The following AFF4 variants were observed in gnomAD, a reference collection of about 807,000 sequenced individuals.
AFF4 encodes the protein ALF transcription elongation factor 4, also known as AF4/FMR2 family member 4.
In AFF4, 13 loss-of-function variants were observed where a neutral mutation model predicts 124.8. That is an observed-to-expected ratio of 0.10 (90% CI 0.07 to 0.17). AFF4 has a LOEUF of 0.17. Ranked by LOEUF, AFF4 falls within the 10% of genes least tolerant of loss-of-function variation. AFF4 has a pLI of 1.00. For synonymous variants in AFF4, 477 were observed against 496.1 expected, an observed-to-expected ratio of 0.96 and a Z score of 0.51; for missense variants, 1,092 against 1,403.8, an observed-to-expected ratio of 0.78 and a Z score of 3.55.
At chr5:132,887,617 A>G in intron 16 of AFF4, 25 bp from the exon 17 acceptor site, 1 of 1,588,402 alleles carries the variant, frequency 6.3e-7, no homozygotes, top group Non-Finnish European at 8.6e-7. Context: ...TAACAAACAA[A>G]TGACAAACAG....
At chr5:132,920,977 A>C (rs188899421) in intron 5 of AFF4, among the ~76,000 whole-genome samples, 6 of 152,072 alleles carry the variant, frequency 3.9e-5, no homozygotes, top group Admixed American at 3.9e-4. Context: ...AATACAAAAA[A>C]TTAGTCAGGC....
At chr5:132,895,862 C>T (rs924691842) in intron 11 of AFF4, among the ~76,000 whole-genome samples, 2 of 152,138 alleles carry the variant, frequency 1.3e-5, no homozygotes, top group Admixed American at 1.3e-4. Context: ...TAGTTCTGAC[C>T]TTTGTTAAGG....
At position 132,934,834 on chromosome 5, in the gene AFF4, A is replaced by T. The variant is rs1761388901; in HGVS notation, c.231T>A (p.Ile77=). ...GDRSIPKLVA[I]PKPTVPPSAD... ...CTGATGGTGGTACTGTAGGCTTGGG[A>T]ATTGCAACAAGCTTTGGTATAGATC... Residue 77 remains isoleucine (I), a synonymous_variant, in exon 3 of 21, where the codon ATT becomes ATA. Transcript: ENST00000265343. The T allele has an allele frequency of 6.2e-7, 1 of 1,613,990 alleles. No homozygotes were observed. Among genetic ancestry groups the T allele is most frequent in the African/African-American group, 1.3e-5 (1 of 74,878 alleles).
At chr5:132,932,103 G>A (rs1761313016) in intron 4 of AFF4, 75 bp downstream of exon 4, 3 of 1,035,776 alleles carry the variant, frequency 2.9e-6, no homozygotes, top group Non-Finnish European at 4.2e-6. Context: ...GTGAAATACA[G>A]GTAGAAAGAG....
At chr5:132,929,791 G>A (rs1284307208) in intron 4 of AFF4, among the ~76,000 whole-genome samples, 1 of 152,066 alleles carries the variant, frequency 6.6e-6, no homozygotes, top group Non-Finnish European at 1.5e-5. Flanking sequence ...AAAATTTTTA[G>A]GGAAAAATTA....
intron 5 of AFF4, among the ~76,000 whole-genome samples, chr5:132,908,757 CATATATATATAT>C (rs1206698351): frequency 7.3e-6 from 1 of 136,166 alleles, no homozygotes; most frequent in Non-Finnish European, 1.5e-5. Flanking sequence ...TATATATATA[CATATATATATAT>C]ATATATATTT....
At position 132,918,888 on chromosome 5, in the gene AFF4, G is replaced by GTT. The variant is rs34475797; in HGVS notation, c.1050+8231_1050+8232dup. Among the ~76,000 whole-genome samples, 86 of 138,706 alleles carry GTT rather than the reference G, an allele frequency of 6.2e-4. 1 individual carries two copies. The highest frequency in any genetic ancestry group is 2.5e-3 in the Admixed American group (34 of 13,840). The allele number at this position is 138,706 out of a possible 152,430, so 91.0% of individuals were successfully genotyped here. ...GAAATTGACAAGGTGTTGTTTGTTT[G>GTT]TTTTTTTTTTTTTTTGAGACAGAGT... On this transcript the variant is annotated intron_variant, in intron 5 of 20. Transcript: ENST00000265343.
Position 132,934,645 on chromosome 5 carries a change from G to A in AFF4, c.420C>T (p.Ser140=). ...GACCACTACTGTTAGTGCCACTACTGCTACCTGCGCTGGTCCGCTGGCTAC... is the reference window on the plus strand; with the variant it reads ...GACCACTACTGTTAGTGCCACTACTACTACCTGCGCTGGTCCGCTGGCTAC... ...GHSSQRTSAG[S]SSGTNSSGQR... Residue 140 remains serine (S), a synonymous_variant, in exon 3 of 21, where the codon AGC becomes AGT. Coordinates refer to ENST00000265343, the MANE Select transcript of AFF4 (RefSeq NM_014423.4). 1 of 1,614,086 alleles carries A rather than the reference G, an allele frequency of 6.2e-7. No homozygotes were observed. Among genetic ancestry groups the A allele is most frequent in the South Asian group, 1.1e-5 (1 of 91,080 alleles).
chr5:132,955,795 AATAT>A (rs966690877), intron 1 of AFF4, among the ~76,000 whole-genome samples: 28 of 117,518 alleles, frequency 2.4e-4, no homozygotes, highest in South Asian at 9.6e-4. Flanking sequence ...AAAAAAAAAA[AATAT>A]ATATATATAT....
intron 5 of AFF4, 107 bp downstream of exon 5, chr5:132,927,014 T>A: frequency 1.2e-6 from 1 of 825,464 alleles, no homozygotes; most frequent in Non-Finnish European, 1.9e-6. Context: ...ATTTACTGTC[T>A]GTCTCCCACT....
chr5:132,924,083 G>A (rs1330102323), intron 5 of AFF4, among the ~76,000 whole-genome samples: 1 of 151,578 alleles, frequency 6.6e-6, no homozygotes, highest in African/African-American at 2.4e-5. Flanking sequence ...ATGAAACCCC[G>A]TCTCTACTAA....
At position 132,889,102 on chromosome 5, in the gene AFF4, T is replaced by C. The variant is rs1191580557; in HGVS notation, c.2709A>G (p.Arg903=). 6.2e-7 allele frequency: 1 copy of C among 1,613,846 alleles called. No homozygotes were observed. The highest frequency in any genetic ancestry group is 1.7e-5 in the Admixed American group (1 of 60,016). ...APTLDSSKPR[R]TKLVFDDRNY... is the part of the protein sequence containing the mutation. ...ACCTGTCATCAAAGACAAGCTTTGT[T>C]CTCCGAGGCTTAGAAGAATCAAGAG... The change falls in exon 14 of 21, where the codon AGA becomes AGG. Residue 903 remains arginine, a synonymous_variant. Coordinates refer to ENST00000265343, the MANE Select transcript of AFF4 (RefSeq NM_014423.4).
intron 5 of AFF4, among the ~76,000 whole-genome samples, chr5:132,910,174 T>C (rs1353840244): frequency 1.2e-4 from 18 of 152,178 alleles, no homozygotes; most frequent in Non-Finnish European, 2.9e-5. Flanking sequence ...CTTTAGTAAG[T>C]TTTATTCTAA....
At chr5:132,932,429 C>T (rs995900196) in intron 3 of AFF4, among the ~76,000 whole-genome samples, 1 of 152,072 alleles carries the variant, frequency 6.6e-6, no homozygotes, top group Non-Finnish European at 1.5e-5. Context: ...GCTGGGGGAA[C>T]TTTATAGTTT....
chr5:132,918,132 C>G (rs1760958447), intron 5 of AFF4, among the ~76,000 whole-genome samples: 1 of 152,122 alleles, frequency 6.6e-6, no homozygotes, highest in Non-Finnish European at 1.5e-5. Context: ...GTGGCTCATG[C>G]CTGTAATCCC....
chr5:132,954,546 C>CTTTTT (rs1204231856), intron 1 of AFF4, among the ~76,000 whole-genome samples: 7 of 122,130 alleles, frequency 5.7e-5, no homozygotes, highest in Admixed American at 8.5e-5. Flanking sequence ...AAACAATGCT[C>CTTTTT]TTTTTTTTTT....
At position 132,900,802 on chromosome 5, in the gene AFF4, T is replaced by A. The variant is rs1451150205; in HGVS notation, c.1134-1161A>T. The A allele has an allele frequency of 3.3e-6, 3 of 914,834 alleles. No individual in the cohort carries two copies. The African/African-American group carries it at 5.4e-5, about 16-fold the overall frequency. The allele number at this position is 914,834 out of a possible 1,614,324, so 56.7% of individuals were successfully genotyped here. ...TTGTCTTTTTACATGGGAGGAAAAA[T>A]TAATACAAAGCTTAGGGAGAACTAC... is the stretch of plus-strand genomic sequence containing the variant. On this transcript the variant is annotated intron_variant, in intron 7 of 20. Coordinates refer to ENST00000265343, the MANE Select transcript of AFF4 (RefSeq NM_014423.4).
At chr5:132,901,024 ATAAAG>A (rs1760537824) in intron 7 of AFF4, 2 of 985,482 alleles carry the variant, frequency 2.0e-6, no homozygotes, top group African/African-American at 3.5e-5. Context: ...CCACCTTGAA[ATAAAG>A]TAACCAGATG....
intron 1 of AFF4, among the ~76,000 whole-genome samples, chr5:132,950,296 AG>A (rs1242689976): frequency 1.3e-5 from 2 of 151,860 alleles, no homozygotes; most frequent in Admixed American, 1.3e-4. Context: ...ACCAACATGG[AG>A]AAACCCCGTC....
Sources: allele counts gnomAD v4.1 joint callset (sites outside exome capture counted in the v4.1 genomes callset), GRCh38; gene constraint gnomAD v4.1.1; transcripts MANE v1.5; gene names NCBI Gene and HGNC (gene_info 2026-07-23, HGNC 2026-07-21).